NR3C1: variants seen among roughly 807,000 people sequenced by gnomAD.
The protein encoded by NR3C1 is glucocorticoid receptor.
Under a neutral mutation model 74.0 loss-of-function variants are expected in NR3C1, and 14 were observed. The observed-to-expected ratio is 0.19, with a 90% CI of 0.12 to 0.30. The LOEUF (loss-of-function observed/expected upper bound fraction) is 0.30, where lower values mean the gene tolerates loss of function less well. Ranked by LOEUF, NR3C1 falls within the 10% of genes least tolerant of loss-of-function variation. The pLI, the probability that NR3C1 is intolerant of heterozygous loss-of-function variation, is 1.00. For missense variants in NR3C1, 695 were observed against 909.8 expected, an observed-to-expected ratio of 0.76 and a Z score of 3.04; for synonymous variants, 308 against 332.5, an observed-to-expected ratio of 0.93 and a Z score of 0.80.
At chr5:143,433,540 T>C (rs1189468842) in intron 1 of NR3C1, among the ~76,000 whole-genome samples, 1 of 148,714 alleles carries the variant, frequency 6.7e-6, no homozygotes, top group Non-Finnish European at 1.5e-5. Context: ...TTGGCTGTTA[T>C]TGGCACCTTG....
chr5:143,427,644 C>T (rs1450402922), intron 1 of NR3C1, among the ~76,000 whole-genome samples: 1 of 152,190 alleles, frequency 6.6e-6, no homozygotes, highest in Non-Finnish European at 1.5e-5. Context: ...CCCCATTAAC[C>T]TGATAACATT....
In NR3C1 at chr5:143,282,548, G is replaced by A. The variant is rs769056375; in HGVS notation, c.2181+20C>T. 2.5e-6 allele frequency: 4 copies of A among 1,613,110 alleles called. No individual in the cohort carries two copies. Among genetic ancestry groups the A allele is most frequent in the Non-Finnish European group, 8.5e-7 (1 of 1,179,522 alleles). On this transcript the variant is annotated intron_variant, in intron 8 of 8. Coordinates refer to ENST00000394464, the MANE Select transcript of NR3C1 (RefSeq NM_000176.3). ...TTGTCCCAGAAAACTCTTATATTTG[G>A]CTTTATGTTTGACACTTACTTCATG...
chr5:143,405,669 C>T (rs1000310374), upstream of NR3C1, among the ~76,000 whole-genome samples: 2 of 152,186 alleles, frequency 1.3e-5, no homozygotes, highest in African/African-American at 2.4e-5. Flanking sequence ...TACTCGCCAC[C>T]TCGGAAAAGA....
rs1349287420 is a variant in NR3C1, at chr5:143,400,389, G to C, written c.451C>G (p.Pro151Ala). 1.2e-6 allele frequency: 2 copies of C among 1,614,154 alleles called. No individual in the cohort carries two copies. The highest frequency in any genetic ancestry group is 1.7e-6 in the Non-Finnish European group (2 of 1,180,028). ...SSASTAVSAAPTEKEFPKTHS... is the reference protein window; with the variant it reads ...SSASTAVSAAATEKEFPKTHS... ...GTTTTTGGAAACTCCTTCTCTGTGG[G>C]GGCAGCAGACACAGCAGTGGATGCT... Residue 151 changes from proline to alanine, a missense_variant, in exon 2 of 9, where the codon CCC becomes GCC. Physicochemically the swap from Pro to Ala is conservative, Grantham distance 27 (BLOSUM62 -1). This residue lies in a region of NR3C1 where 497 missense variants were observed against 489.5 expected (regional missense o/e 1.02). Transcript: ENST00000394464.
chr5:143,384,578 C>T (rs1836836348), intron 2 of NR3C1, among the ~76,000 whole-genome samples: 2 of 152,178 alleles, frequency 1.3e-5, no homozygotes, highest in South Asian at 4.1e-4. Flanking sequence ...AGGCTACAGG[C>T]CCCATGCATG....
intron 2 of NR3C1, among the ~76,000 whole-genome samples, chr5:143,373,829 A>G (rs1376079533): frequency 6.6e-6 from 1 of 152,186 alleles, no homozygotes; most frequent in East Asian, 1.9e-4. Flanking sequence ...CAAAGGGAAT[A>G]GCAATGAGCT....
At chr5:143,311,701 C>T (rs1820973784) in intron 3 of NR3C1, among the ~76,000 whole-genome samples, 1 of 151,402 alleles carries the variant, frequency 6.6e-6, no homozygotes, top group African/African-American at 2.4e-5. Flanking sequence ...GGCTGGAGTA[C>T]AGTGGTGTGT....
At chr5:143,423,338 G>A (rs911852501) in intron 1 of NR3C1, among the ~76,000 whole-genome samples, 22 of 152,060 alleles carry the variant, frequency 1.4e-4, no homozygotes, top group Non-Finnish European at 5.9e-5. Flanking sequence ...GATGACATAC[G>A]AATGGCCAAA....
rs1368659045 is a variant in NR3C1, at chr5:143,300,941, A to G, written c.1469-178T>C. Among the ~76,000 whole-genome samples the G allele has an allele frequency of 1.3e-5, 2 of 152,170 alleles. No homozygotes were observed. Among genetic ancestry groups the G allele is most frequent in the Non-Finnish European group, 2.9e-5 (2 of 68,024 alleles). The stretch of plus-strand genomic sequence containing the variant: ...AAAAAACTTTTTTTTTTCTGAAAGC[A>G]AAAGATCCAGAGGAACCTATTCCCA... On this transcript the variant is annotated intron_variant, in intron 4 of 8. Transcript: ENST00000394464. The surrounding 1 kb of genome is among the most constrained non-coding windows in gnomAD (Gnocchi z 5.2).
chr5:143,361,404 A>C (rs1285650723), intron 2 of NR3C1, among the ~76,000 whole-genome samples: 1 of 152,250 alleles, frequency 6.6e-6, no homozygotes, highest in Non-Finnish European at 1.5e-5. Flanking sequence ...TTTCTCTAAA[A>C]TAAAATTAAA....
intron 2 of NR3C1, among the ~76,000 whole-genome samples, chr5:143,373,601 T>TA (rs1187707979): frequency 1.3e-5 from 2 of 151,786 alleles, no homozygotes; most frequent in African/African-American, 2.4e-5. Context: ...CCCTAGAACT[T>TA]AAAGTATAAT....
intron 7 of NR3C1, among the ~76,000 whole-genome samples, chr5:143,285,953 C>CTT (rs1814322848): frequency 1.5e-5 from 2 of 136,084 alleles, no homozygotes; most frequent in South Asian, 4.7e-4. Context: ...AACTGAAAAA[C>CTT]TTTTAGCCAG....
intron 8 of NR3C1, 109 bp downstream of exon 8, chr5:143,282,459 C>T: frequency 7.9e-7 from 1 of 1,262,926 alleles, no homozygotes; most frequent in Non-Finnish European, 1.1e-6. Context: ...CCAACATCCA[C>T]AAACTGGGGG....
At chr5:143,407,790 T>C (rs1340835553), upstream of NR3C1, among the ~76,000 whole-genome samples, 1 of 152,202 alleles carries the variant, frequency 6.6e-6, no homozygotes, top group Non-Finnish European at 1.5e-5. Context: ...TAATCCAAGC[T>C]GTACTGCCAG....
rs534251063 is a variant in NR3C1, at chr5:143,373,517, C to T, written c.1184+26139G>A. The stretch of plus-strand genomic sequence containing the variant: ...TAGGAGAAATACCCAGTGTAAATGA[C>T]GAGTTGATGGGTGCAGCAAACCAAC... On this transcript the variant is annotated intron_variant, in intron 2 of 8. Coordinates refer to ENST00000394464, the MANE Select transcript of NR3C1 (RefSeq NM_000176.3). Among the ~76,000 whole-genome samples the T allele has an allele frequency of 1.7e-4, 26 of 151,920 alleles. No individual in the cohort carries two copies. The South Asian group carries it at 4.0e-3, about 23-fold the overall frequency.
intron 3 of NR3C1, among the ~76,000 whole-genome samples, chr5:143,310,814 C>G (rs760673493): frequency 6.6e-6 from 1 of 152,052 alleles, no homozygotes; most frequent in Admixed American, 6.5e-5. Context: ...CACGCCACCA[C>G]GCCTGGCTAA....
At chr5:143,433,070 T>A (rs1045423201) in intron 1 of NR3C1, among the ~76,000 whole-genome samples, 2 of 152,164 alleles carry the variant, frequency 1.3e-5, no homozygotes, top group African/African-American at 4.8e-5. Flanking sequence ...TGGAAAGGAA[T>A]TGGGCTAATT....
At chr5:143,390,932 G>A (rs939747318) in intron 2 of NR3C1, among the ~76,000 whole-genome samples, 4 of 152,038 alleles carry the variant, frequency 2.6e-5, no homozygotes, top group African/African-American at 9.7e-5. Flanking sequence ...CAATGAGTCC[G>A]ATTTTCTTTT....
chr5:143,312,818 G>A (rs905302138), intron 3 of NR3C1, among the ~76,000 whole-genome samples: 8 of 152,130 alleles, frequency 5.3e-5, no homozygotes, highest in African/African-American at 1.9e-4. Flanking sequence ...GTGAGGACAC[G>A]AAGACGCTTC....
Sources: allele counts gnomAD v4.1 joint callset (sites outside exome capture counted in the v4.1 genomes callset), GRCh38; gene constraint gnomAD v4.1.1; regional missense constraint gnomAD v4.1.1; non-coding constraint Gnocchi (gnomAD v3.1); transcripts MANE v1.5; gene names NCBI Gene and HGNC (gene_info 2026-07-23, HGNC 2026-07-21).